Variants in SMIM41 observed in about 807,000 individuals in gnomAD.
SMIM41 encodes small integral membrane protein 41.
At chr12:52,100,429 C>T (rs1940194998) in intron 2 of SMIM41, among the ~76,000 whole-genome samples, 1 of 151,974 alleles carries the variant, frequency 6.6e-6, no homozygotes, top group South Asian at 2.1e-4. Flanking sequence ...GGTGAACAAC[C>T]CCTGCGAGAA....
chr12:52,082,133 G>C (rs1315086948), intron 1 of SMIM41: 1 of 152,388 alleles, frequency 6.6e-6, no homozygotes, highest in East Asian at 1.9e-4. Context: ...GCCTGAACCT[G>C]AGGGGGGATG....
intron 2 of SMIM41, among the ~76,000 whole-genome samples, chr12:52,103,357 C>CAAAAAAAAAAAAAAAAAAACCAAA (rs532598136): frequency 8.5e-6 from 1 of 116,982 alleles, no homozygotes; most frequent in Non-Finnish European, 1.9e-5. Context: ...AAAATAAAAC[C>CAAAAAAAAAAAAAAAAAAACCAAA]AAAAAAAAAA....
At chr12:52,100,525 C>T (rs189219618) in intron 2 of SMIM41, among the ~76,000 whole-genome samples, 4 of 151,656 alleles carry the variant, frequency 2.6e-5, no homozygotes, top group East Asian at 3.9e-4. Flanking sequence ...GGCACAATCT[C>T]GGCTCACTGC....
intron 2 of SMIM41, among the ~76,000 whole-genome samples, chr12:52,105,481 G>A (rs147185545): frequency 1.3e-5 from 2 of 152,184 alleles, no homozygotes; most frequent in East Asian, 1.9e-4. Context: ...AGCTGGGCGC[G>A]GTGGCTCACG....
intron 2 of SMIM41, among the ~76,000 whole-genome samples, chr12:52,099,555 C>A (rs1192721911): frequency 6.6e-6 from 1 of 152,022 alleles, no homozygotes; most frequent in Admixed American, 6.6e-5. Flanking sequence ...AATATCCTCT[C>A]CTCCACGGTT....
intron 1 of SMIM41, among the ~76,000 whole-genome samples, chr12:52,083,692 G>A (rs1387387403): frequency 6.6e-6 from 1 of 152,250 alleles, no homozygotes; most frequent in African/African-American, 2.4e-5. Flanking sequence ...TGAGATGGGA[G>A]TGGGTATCGT....
At chr12:52,088,509 G>A (rs7136855) in intron 2 of SMIM41, among the ~76,000 whole-genome samples, 16,097 of 152,198 alleles carry the variant, frequency 0.11, 2,746 homozygotes, top group African/African-American at 0.36. Context: ...CTCGGGAGCC[G>A]TCTCCCTGGC....
In SMIM41 at chr12:52,088,653, C is replaced by T. The variant is rs11169997; in HGVS notation, c.*195+4685C>T. 6.2e-3 allele frequency among the ~76,000 whole-genome samples: 938 copies of T among 152,332 alleles called. 18 individuals are homozygous for T. The highest frequency in any genetic ancestry group is 0.053 in the East Asian group (276 of 5,190). ...TGTTTCATGTCCCCGGCCGCCACCTCGCCTTGCACCTGGTCCCTGTGTCCC... is the reference window on the plus strand; with the variant it reads ...TGTTTCATGTCCCCGGCCGCCACCTTGCCTTGCACCTGGTCCCTGTGTCCC... On this transcript the variant is annotated intron_variant, in intron 2 of 2. Coordinates refer to ENST00000546390, the MANE Select transcript of SMIM41 (RefSeq NM_001369216.1).
chr12:52,081,688 C>G lies in SMIM41; in HGVS notation c.*120+1507C>G, dbSNP rs1169742873. Among the ~76,000 whole-genome samples, 3 of 152,192 alleles carry G rather than the reference C, an allele frequency of 2.0e-5. No individual in the cohort carries two copies. The highest frequency in any genetic ancestry group is 7.2e-5 in the African/African-American group (3 of 41,440). On this transcript the variant is annotated intron_variant, in intron 1 of 2. Coordinates refer to ENST00000546390, the MANE Select transcript of SMIM41 (RefSeq NM_001369216.1). The surrounding 1 kb of genome is among the most constrained non-coding windows in gnomAD (Gnocchi z 4.1). ...TTCCTCTCTTGATTGTACCCGGTTT[C>G]ACCCAGCTGCCTTGCCTGTCACCCT... is the stretch of plus-strand genomic sequence containing the variant.
chr12:52,100,622 ATTTTTTTTTTTT>A lies in SMIM41; in HGVS notation c.*196-6746_*196-6735del, dbSNP rs1173057236. On this transcript the variant is annotated intron_variant, in intron 2 of 2. Transcript: ENST00000546390. The stretch of plus-strand genomic sequence containing the variant: ...CAGGCATGCGCTACCGCGCCCAGCT[ATTTTTTTTTTTT>A]TTTTTTTTTTGTATTTTTAGTAGAG... Among the ~76,000 whole-genome samples, 305 of 111,132 alleles carry A rather than the reference ATTTTTTTTTTTT, an allele frequency of 2.7e-3. 1 individual carries two copies. The highest frequency in any genetic ancestry group is 9.4e-3 in the African/African-American group (271 of 28,802). 72.9% of individuals were successfully genotyped at this position (111,132 alleles called of 152,430 possible). A position where few individuals can be genotyped will look rare whatever the true frequency, so the allele number is the denominator to read the frequency against.
At chr12:52,094,731 A>G (rs1295030503) in intron 2 of SMIM41, 1 of 152,564 alleles carries the variant, frequency 6.6e-6, no homozygotes, top group African/African-American at 2.4e-5. Flanking sequence ...GTTGTTGATC[A>G]GTCTAGGTGT....
At chr12:52,103,329 C>A (rs1940258402) in intron 2 of SMIM41, among the ~76,000 whole-genome samples, 1 of 126,908 alleles carries the variant, frequency 7.9e-6, no homozygotes. Context: ...TCCATGTAAA[C>A]ACAAAATGAA....
chr12:52,096,548 A>C (rs1269421914), intron 2 of SMIM41, among the ~76,000 whole-genome samples: 2 of 151,864 alleles, frequency 1.3e-5, no homozygotes, highest in Non-Finnish European at 2.9e-5. Flanking sequence ...TTAAGAAATA[A>C]TTGATAATAA....
At chr12:52,087,748 CAAATG>C (rs1939913794) in intron 2 of SMIM41, 1 of 152,262 alleles carries the variant, frequency 6.6e-6, no homozygotes. Flanking sequence ...TGGCAACACT[CAAATG>C]AGATGAAGGG....
chr12:52,085,376 A>G (rs769367066), intron 2 of SMIM41, among the ~76,000 whole-genome samples: 2 of 152,026 alleles, frequency 1.3e-5, no homozygotes, highest in Non-Finnish European at 2.9e-5. Context: ...AAGGCCCTGA[A>G]CCTCTCTGTG....
Position 52,079,844 on chromosome 12 carries a change from C to G in SMIM41, c.65C>G (p.Ser22Trp). The G allele has an allele frequency of 2.5e-6, 1 of 393,306 alleles. No individual in the cohort carries two copies. Among genetic ancestry groups the G allele is most frequent in the Admixed American group, 4.4e-5 (1 of 22,558 alleles). The allele number at this position is 393,306 out of a possible 1,614,324, so 24.4% of individuals were successfully genotyped here. ...AAWLSSCCNQ[S>W]ASPPEPPEGP... Reference sequence around the variant, plus strand: ...TGGCTGAGCTCCTGCTGTAACCAGTCGGCGTCGCCGCCGGAGCCCCCCGAG... The same window carrying G: ...TGGCTGAGCTCCTGCTGTAACCAGTGGGCGTCGCCGCCGGAGCCCCCCGAG... Residue 22 changes from serine to tryptophan, a missense_variant, in exon 1 of 3, where the codon TCG (serine) becomes TGG (tryptophan). Coordinates refer to ENST00000546390, the MANE Select transcript of SMIM41 (RefSeq NM_001369216.1).
At chr12:52,097,603 AG>A (rs1940123495) in intron 2 of SMIM41, among the ~76,000 whole-genome samples, 1 of 152,068 alleles carries the variant, frequency 6.6e-6, no homozygotes, top group Admixed American at 6.5e-5. Context: ...AAGATCACAG[AG>A]GGGTGTACAC....
At chr12:52,102,105 T>G (rs1008860178) in intron 2 of SMIM41, among the ~76,000 whole-genome samples, 1 of 152,218 alleles carries the variant, frequency 6.6e-6, no homozygotes, top group Non-Finnish European at 1.5e-5. Context: ...ATTTTTAACA[T>G]GAGTGCTAAG....
intron 2 of SMIM41, chr12:52,084,715 G>C (rs1213332443): frequency 6.5e-6 from 1 of 152,714 alleles, no homozygotes; most frequent in Non-Finnish European, 1.5e-5. Flanking sequence ...TGACCAGGGT[G>C]GTGGGTAGGG....
Sources: allele counts gnomAD v4.1 joint callset (sites outside exome capture counted in the v4.1 genomes callset), GRCh38; gene constraint gnomAD v4.1.1; non-coding constraint Gnocchi (gnomAD v3.1); transcripts MANE v1.5; gene names NCBI Gene and HGNC (gene_info 2026-07-23, HGNC 2026-07-21).